Variants in CDC14A observed in about 807,000 individuals in gnomAD.
CDC14A encodes the protein dual specificity protein phosphatase CDC14A.
In CDC14A, 53 loss-of-function variants were observed where a neutral mutation model predicts 74.4. That is an observed-to-expected ratio of 0.71 (90% CI 0.57 to 0.89). The LOEUF is 0.89. Ranked by LOEUF, CDC14A falls within the 40% of genes least tolerant of loss-of-function variation. CDC14A has a pLI of 0.00. For synonymous variants in CDC14A, 247 were observed against 258.4 expected (o/e 0.96, Z 0.43); for missense variants, 646 against 713.7 (o/e 0.91, Z 1.08).
At chr1:100,435,100 A>G (rs1386004553) in intron 5 of CDC14A, among the ~76,000 whole-genome samples, 1 of 152,152 alleles carries the variant, frequency 6.6e-6, no homozygotes, top group Non-Finnish European at 1.5e-5. Flanking sequence ...TACACACTAA[A>G]GTTTTAGAGG....
At chr1:100,516,016 G>C (rs1266200205) in intron 15 of CDC14A, among the ~76,000 whole-genome samples, 1 of 152,222 alleles carries the variant, frequency 6.6e-6, no homozygotes, top group Non-Finnish European at 1.5e-5. Context: ...CAACATAAGA[G>C]AGCAAACTAG....
intron 4 of CDC14A, among the ~76,000 whole-genome samples, chr1:100,398,987 A>G (rs1027465442): frequency 2.0e-5 from 3 of 152,156 alleles, no homozygotes; most frequent in African/African-American, 7.2e-5. Flanking sequence ...AAAACTAGTT[A>G]TTTTAAATTT....
chr1:100,482,826 C>CTA (rs939683219), intron 10 of CDC14A, among the ~76,000 whole-genome samples: 5 of 151,654 alleles, frequency 3.3e-5, no homozygotes, highest in African/African-American at 7.3e-5. Context: ...ATATAGATAT[C>CTA]TATATATATA....
chr1:100,493,884 G>A (rs1647376630), intron 11 of CDC14A, among the ~76,000 whole-genome samples: 1 of 152,196 alleles, frequency 6.6e-6, no homozygotes, highest in Non-Finnish European at 1.5e-5. Flanking sequence ...GTGACTTGAT[G>A]GAAGTACATT....
intron 1 of CDC14A, among the ~76,000 whole-genome samples, chr1:100,345,687 TTG>T (rs1650351033): frequency 6.6e-6 from 1 of 152,232 alleles, no homozygotes; most frequent in African/African-American, 2.4e-5. Flanking sequence ...AGCATGTATT[TTG>T]TGTGTTTCCT....
At chr1:100,450,993 G>C (rs1033428342) in intron 7 of CDC14A, among the ~76,000 whole-genome samples, 32 of 152,142 alleles carry the variant, frequency 2.1e-4, no homozygotes, top group African/African-American at 7.7e-4. Flanking sequence ...ATAATGTGCT[G>C]TCTTTTGGAT....
In CDC14A at chr1:100,482,835, TA is replaced by T. The variant is rs574647543; in HGVS notation, c.978-1456del. Among the ~76,000 whole-genome samples the T allele has an allele frequency of 6.0e-4, 92 of 152,200 alleles. 2 individuals are homozygous for T. The East Asian group carries it at 0.012, about 19-fold the overall frequency. On this transcript the variant is annotated intron_variant, in intron 10 of 15. Transcript: ENST00000336454. ...CGAAAGATATAGATATCTATATATA[TA>T]TTTTTTTATACTTTAAGTTCTAGAG...
At position 100,385,503 on chromosome 1, in the gene CDC14A, T is replaced by C. The variant is rs548108070; in HGVS notation, c.217-5229T>C. On this transcript the variant is annotated intron_variant, in intron 3 of 15. Coordinates refer to ENST00000336454, the MANE Select transcript of CDC14A (RefSeq NM_003672.4). ...AGTTATTTCTGAAAAGTCTTAGTAC[T>C]ATTGACCAATTCAACCTGAGAATTA... is the stretch of plus-strand genomic sequence containing the variant. 2.0e-4 allele frequency among the ~76,000 whole-genome samples: 30 copies of C among 152,350 alleles called. 2 individuals carry two copies. The highest frequency in any genetic ancestry group is 6.8e-3 in the Middle Eastern group (2 of 294).
chr1:100,370,871 A>G (rs1654388092), intron 2 of CDC14A, among the ~76,000 whole-genome samples: 1 of 152,226 alleles, frequency 6.6e-6, no homozygotes, highest in Admixed American at 6.5e-5. Flanking sequence ...TAATAGGAAT[A>G]GTGTTGAAAC....
chr1:100,510,673 T>G (rs1157549542), intron 15 of CDC14A, among the ~76,000 whole-genome samples: 1 of 152,226 alleles, frequency 6.6e-6, no homozygotes, highest in African/African-American at 2.4e-5. Context: ...CCTCCAAAAT[T>G]AGATCAATTC....
chr1:100,369,235 G>A (rs1654085577), intron 2 of CDC14A, among the ~76,000 whole-genome samples: 1 of 151,858 alleles, frequency 6.6e-6, no homozygotes. Flanking sequence ...CAGCCTCCAA[G>A]GTAGCTGTGA....
At position 100,412,718 on chromosome 1, in the gene CDC14A, ATATATTT is replaced by A. The variant is rs1182345972; in HGVS notation, c.310-11498_310-11492del. The stretch of plus-strand genomic sequence containing the variant: ...GTTTTATATATATATATATATATAT[ATATATTT>A]TATATATATATATTTTATATATATA... On this transcript the variant is annotated intron_variant, in intron 4 of 15. Coordinates refer to ENST00000336454, the MANE Select transcript of CDC14A (RefSeq NM_003672.4). 2.1e-4 allele frequency among the ~76,000 whole-genome samples: 21 copies of A among 100,258 alleles called. 1 individual carries two copies. The highest frequency in any genetic ancestry group is 5.2e-4 in the South Asian group (2 of 3,818). 65.8% of individuals were successfully genotyped at this position (100,258 alleles called of 152,430 possible).
rs1057248695 is a variant in CDC14A, at chr1:100,504,714, T to G, written c.1755+5452T>G. 12 of 847,970 alleles carry G rather than the reference T, an allele frequency of 1.4e-5. No individual in the cohort carries two copies. In the South Asian group the frequency reaches 1.6e-4, roughly 12 times the overall value. The allele number at this position is 847,970 out of a possible 1,614,324, so 52.5% of individuals were successfully genotyped here. A position where few individuals can be genotyped will look rare whatever the true frequency, so the allele number is the denominator to read the frequency against. ...AGTGCTAGAACATAAATACTGACTT[T>G]CTTTGTTGAGCTTTCAGGCCCTCTG... On this transcript the variant is annotated intron_variant, in intron 15 of 15. Coordinates refer to ENST00000336454, the MANE Select transcript of CDC14A (RefSeq NM_003672.4).
At chr1:100,458,764 A>C (rs1158574305) in intron 8 of CDC14A, among the ~76,000 whole-genome samples, 1 of 151,912 alleles carries the variant, frequency 6.6e-6, no homozygotes, top group African/African-American at 2.4e-5. Flanking sequence ...GCTCGTTAGA[A>C]AAGCTGAGGT....
At chr1:100,433,418 T>C (rs535307262) in intron 5 of CDC14A, among the ~76,000 whole-genome samples, 1 of 152,348 alleles carries the variant, frequency 6.6e-6, no homozygotes, top group Admixed American at 6.5e-5. Flanking sequence ...AGTTCAGTGC[T>C]TATAAGGGTT....
intron 13 of CDC14A, among the ~76,000 whole-genome samples, chr1:100,496,814 C>T (rs1356136480): frequency 6.6e-6 from 1 of 152,116 alleles, no homozygotes; most frequent in East Asian, 1.9e-4. Flanking sequence ...AGGAAAGAGT[C>T]TACAAGTAAA....
At chr1:100,465,038 G>T (rs1335278660) in intron 9 of CDC14A, among the ~76,000 whole-genome samples, 2 of 150,726 alleles carry the variant, frequency 1.3e-5, no homozygotes, top group African/African-American at 4.9e-5. Context: ...CAATTCTCCT[G>T]CCTCAGCCTC....
At chr1:100,369,190 C>T in intron 2 of CDC14A, among the ~76,000 whole-genome samples, 1 of 151,806 alleles carries the variant, frequency 6.6e-6, no homozygotes, top group East Asian at 1.9e-4. Flanking sequence ...AATTTTCCTG[C>T]CTCTGCCTCC....
chr1:100,512,979 A>G (rs566778399), intron 15 of CDC14A, among the ~76,000 whole-genome samples: 2 of 152,296 alleles, frequency 1.3e-5, no homozygotes, highest in East Asian at 3.9e-4. Context: ...TGACAGGTGC[A>G]CTAAAGTCAC....
Sources: allele counts gnomAD v4.1 joint callset (sites outside exome capture counted in the v4.1 genomes callset), GRCh38; gene constraint gnomAD v4.1.1; transcripts MANE v1.5; gene names NCBI Gene and HGNC (gene_info 2026-07-23, HGNC 2026-07-21).